Variants in REL observed in about 807,000 individuals in gnomAD.
The protein encoded by REL is REL proto-oncogene, NF-kB subunit.
In REL, 15 loss-of-function variants were observed where a neutral mutation model predicts 45.9. The observed-to-expected ratio is 0.33, with a 90% CI of 0.22 to 0.50. REL has a LOEUF of 0.50. REL is among the 20% of genes least tolerant of loss of function. The pLI is 0.98. For synonymous variants in REL, 239 were observed against 242.1 expected (o/e 0.99, Z 0.12); for missense variants, 601 against 715.2 (o/e 0.84, Z 1.82).
chr2:60,920,293 C>A, intron 8 of REL, 184 bp downstream of exon 8: 1 of 619,802 alleles, frequency 1.6e-6, no homozygotes, highest in South Asian at 2.1e-5. Context: ...CCTCTGCCCC[C>A]CAGGTTCAAC....
At chr2:60,893,191 G>C (rs1031814598) in intron 2 of REL, among the ~76,000 whole-genome samples, 1 of 152,062 alleles carries the variant, frequency 6.6e-6, no homozygotes, top group Non-Finnish European at 1.5e-5. Context: ...TTTTGTTTTT[G>C]AAAAGTGTTA....
chr2:60,890,366 T>A (rs1278963598), intron 1 of REL, among the ~76,000 whole-genome samples: 2 of 152,214 alleles, frequency 1.3e-5, no homozygotes, highest in Non-Finnish European at 2.9e-5. Context: ...AAGAGATTTT[T>A]AATTTTAATC....
rs898854309 is a variant in REL, at chr2:60,925,051, G to A, written c.*2516G>A. The A allele has an allele frequency of 1.5e-4, 29 of 198,802 alleles. No homozygotes were observed. Among genetic ancestry groups the A allele is most frequent in the African/African-American group, 3.2e-4 (14 of 43,382 alleles). 12.3% of individuals were successfully genotyped at this position (198,802 alleles called of 1,614,324 possible). On this transcript the variant is annotated 3_prime_UTR_variant, in exon 10 of 10. Transcript: ENST00000394479. ...TGCCCTTTTATTTCCCAAAGACATT[G>A]TAAGGGTTAATTAGATCATTATATT...
rs1573350182 is a variant in REL at position 60,923,275 on chromosome 2, G to A, written c.*740G>A. The A allele has an allele frequency of 4.5e-6, 1 of 220,082 alleles. No individual in the cohort carries two copies. Among genetic ancestry groups the A allele is most frequent in the African/African-American group, 2.2e-5 (1 of 44,568 alleles). 13.6% of individuals were successfully genotyped at this position (220,082 alleles called of 1,614,324 possible). ...CAAAATGTCTTTAAAATGTTAAGTT[G>A]GGCAGAAGGCAGTTGAAGTGAGCTT... On this transcript the variant is annotated 3_prime_UTR_variant, in exon 10 of 10. Coordinates refer to ENST00000394479, the MANE Select transcript of REL (RefSeq NM_001291746.2).
chr2:60,884,374 A>T (rs1371038960), intron 1 of REL, among the ~76,000 whole-genome samples: 2 of 152,080 alleles, frequency 1.3e-5, no homozygotes, highest in Non-Finnish European at 2.9e-5. Context: ...TATGATTCTA[A>T]ATTTTGTTTA....
intron 3 of REL, chr2:60,899,822 T>C (rs1673449135): frequency 6.6e-6 from 1 of 152,370 alleles, no homozygotes; most frequent in South Asian, 2.1e-4. Flanking sequence ...TAGTAGTATT[T>C]GTAGCTATTG....
At chr2:60,882,040 C>G (rs1672954124) in intron 1 of REL, among the ~76,000 whole-genome samples, 190 bp downstream of exon 1, 1 of 152,202 alleles carries the variant, frequency 6.6e-6, no homozygotes, top group African/African-American at 2.4e-5. Context: ...CCAAGCCACG[C>G]TCTGTAATTC....
rs1674355576 is a variant in REL, at chr2:60,930,206, A to G, written c.*7671A>G. ...TGGTACATAAGAAGAAACACTGTAA[A>G]TTATATAGTGCGAATCAAATATTGT... On this transcript the variant is annotated 3_prime_UTR_variant, in exon 10 of 10. Transcript: ENST00000394479. 1 of 152,324 alleles carries G rather than the reference A, an allele frequency of 6.6e-6. No homozygotes were observed. The highest frequency in any genetic ancestry group is 2.4e-5 in the African/African-American group (1 of 41,464). The allele number at this position is 152,324 out of a possible 1,614,324, so 9.4% of individuals were successfully genotyped here. A position where few individuals can be genotyped will look rare whatever the true frequency, so the allele number is the denominator to read the frequency against.
intron 1 of REL, among the ~76,000 whole-genome samples, chr2:60,883,552 A>T (rs367779237): frequency 1.3e-5 from 2 of 152,222 alleles, no homozygotes; most frequent in African/African-American, 2.4e-5. Flanking sequence ...TTTGGAAGTA[A>T]TGGAGAATGC....
chr2:60,906,995 C>T (rs1245230685), intron 4 of REL, among the ~76,000 whole-genome samples: 1 of 149,122 alleles, frequency 6.7e-6, no homozygotes, highest in East Asian at 2.0e-4. Flanking sequence ...TCTTGGCTTA[C>T]CGCAACCTCC....
chr2:60,915,350 G>A (rs1378278676), intron 4 of REL, among the ~76,000 whole-genome samples: 1 of 152,168 alleles, frequency 6.6e-6, no homozygotes, highest in African/African-American at 2.4e-5. Context: ...TTTTGAAGAG[G>A]TAGCTCTCAT....
chr2:60,898,115 C>T (rs1376299739), intron 3 of REL, among the ~76,000 whole-genome samples: 1 of 152,202 alleles, frequency 6.6e-6, no homozygotes, highest in Non-Finnish European at 1.5e-5. Flanking sequence ...CGTCATACTA[C>T]CACTATAGCC....
chr2:60,892,930 T>C (rs1673256286), intron 2 of REL, among the ~76,000 whole-genome samples: 1 of 151,846 alleles, frequency 6.6e-6, no homozygotes, highest in Non-Finnish European at 1.5e-5. Context: ...AATTTTTGTA[T>C]TTTTAGTAGA....
intron 4 of REL, among the ~76,000 whole-genome samples, chr2:60,907,919 C>G (rs1673707422): frequency 6.6e-6 from 1 of 151,816 alleles, no homozygotes; most frequent in South Asian, 2.1e-4. Context: ...GCCTCGGTCT[C>G]CTGATCTCGT....
chr2:60,917,183 C>G (rs1368512703), intron 5 of REL, among the ~76,000 whole-genome samples, 166 bp downstream of exon 5: 1 of 152,156 alleles, frequency 6.6e-6, no homozygotes, highest in Non-Finnish European at 1.5e-5. Flanking sequence ...ATCTCATCCT[C>G]CAGAGATAAT....
chr2:60,922,260 G>C lies in REL; in HGVS notation c.1489G>C (p.Asp497His). The C allele has an allele frequency of 6.2e-7, 1 of 1,614,114 alleles. No individual in the cohort carries two copies. The highest frequency in any genetic ancestry group is 8.5e-7 in the Non-Finnish European group (1 of 1,180,020). Reference sequence around the variant, plus strand: ...AAACCCCTCATGTAATTCAGTGTTAGACCCAAGAGACTTGAGACAGCTCCA... The same window carrying C: ...AAACCCCTCATGTAATTCAGTGTTACACCCAAGAGACTTGAGACAGCTCCA... Reference protein sequence around the residue: ...LENPSCNSVLDPRDLRQLHQM... With the variant: ...LENPSCNSVLHPRDLRQLHQM... The change falls in exon 10 of 10, where the codon GAC (aspartate) becomes CAC (histidine). Residue 497 changes from aspartate (D) to histidine (H), a missense_variant. By Grantham distance (81) the Asp-to-His change is moderately conservative. Around this residue, in one of 4 missense-constraint regions of REL, gnomAD observed 334 missense variants for 333.1 expected, o/e 1.00. Coordinates refer to ENST00000394479, the MANE Select transcript of REL (RefSeq NM_001291746.2).
At chr2:60,913,079 T>G (rs1573338371) in intron 4 of REL, among the ~76,000 whole-genome samples, 1 of 152,298 alleles carries the variant, frequency 6.6e-6, no homozygotes, top group East Asian at 1.9e-4. Context: ...TAAATTTGAT[T>G]ATATTCTTAA....
intron 4 of REL, 79 bp downstream of exon 4, chr2:60,901,162 T>C (rs1673486022): frequency 1.5e-6 from 2 of 1,377,932 alleles, no homozygotes; most frequent in Non-Finnish European, 1.9e-6. Flanking sequence ...TTTTTTTTTT[T>C]TTTTTTTTTT....
rs1302710671 is a variant in REL at position 60,928,771 on chromosome 2, C to T, written c.*6236C>T. On this transcript the variant is annotated 3_prime_UTR_variant, in exon 10 of 10. Coordinates refer to ENST00000394479, the MANE Select transcript of REL (RefSeq NM_001291746.2). ...TTCAGGACATAGGCATGGGCAAGGA[C>T]TTCATGTCTAAAACACCAAAAGCAA... 7.0e-6 allele frequency: 1 copy of T among 143,274 alleles called. No homozygotes were observed. Among genetic ancestry groups the T allele is most frequent in the Non-Finnish European group, 1.5e-5 (1 of 64,544 alleles). The allele number at this position is 143,274 out of a possible 1,614,324, so 8.9% of individuals were successfully genotyped here. A position where few individuals can be genotyped will look rare whatever the true frequency, so the allele number is the denominator to read the frequency against.
Sources: gnomAD v4.1 joint callset for allele counts (sites outside exome capture counted in the v4.1 genomes callset) on GRCh38, gnomAD v4.1.1 for gene constraint, gnomAD v4.1.1 regional missense constraint, MANE v1.5 for transcripts, NCBI Gene and HGNC (gene_info 2026-07-23, HGNC 2026-07-21) for gene names.